Variants in MIEF2 observed in about 807,000 individuals in gnomAD.
MIEF2 encodes the protein mitochondrial dynamics protein MID49.
In MIEF2, 1 loss-of-function variant was observed where a neutral mutation model predicts 7.4. The ratio of observed to expected loss-of-function variants is 0.14; its 90% CI spans 0.05 to 0.64. MIEF2 has a LOEUF of 0.64. Among genes scored for constraint, MIEF2 ranks in the 30% least tolerant of loss-of-function variants. The pLI is 0.85. For synonymous variants in MIEF2, 275 were observed against 290.5 expected, an observed-to-expected ratio of 0.95 and a Z score of 0.54; for missense variants, 569 against 623.9, an observed-to-expected ratio of 0.91 and a Z score of 0.94.
intron 3 of MIEF2, 84 bp from the exon 4 acceptor site, chr17:18,263,626 G>A: frequency 6.9e-7 from 1 of 1,450,598 alleles, no homozygotes; most frequent in Non-Finnish European, 9.0e-7. Flanking sequence ...GAGGCCCTGG[G>A]ACATCACACA....
At position 18,264,470 on chromosome 17, in the gene MIEF2, G is replaced by A; in HGVS notation, c.1071G>A (p.Leu357=). The change falls in exon 4 of 4, where the codon CTG becomes CTA. Residue 357 remains leucine (L), a synonymous_variant. Transcript: ENST00000323019. The stretch of plus-strand genomic sequence containing the variant: ...ACGCTGGGACTCGCCGGCGGCTGCT[G>A]CTGCTGCTGTGTGCTGTCTGCCGTG... ...DHDAGTRRRL[L]LLLCAVCRGC... 1 of 1,604,652 alleles carries A rather than the reference G, an allele frequency of 6.2e-7. No individual in the cohort carries two copies. The highest frequency in any genetic ancestry group is 8.5e-7 in the Non-Finnish European group (1 of 1,179,854).
intron 2 of MIEF2, 46 bp downstream of exon 2, chr17:18,262,913 C>G (rs200207965): frequency 1.3e-6 from 2 of 1,524,528 alleles, no homozygotes; most frequent in Non-Finnish European, 8.8e-7. Flanking sequence ...TAGAGGAGGA[C>G]AACAGGGTTG....
At chr17:18,262,655 C>T (rs1185121235) in intron 1 of MIEF2, 59 bp from the exon 2 acceptor site, 5 of 1,483,986 alleles carry the variant, frequency 3.4e-6, no homozygotes, top group African/African-American at 1.4e-5. Context: ...CACAGCAGCC[C>T]CTCTCCCAGC....
rs773719283 is a variant in MIEF2, at chr17:18,263,362, G to A, written c.310+114G>A. On this transcript the variant is annotated intron_variant, in intron 3 of 3. Transcript: ENST00000323019. ...GTCCCTGCTTCTCTCTCGGTTGTGG[G>A]CTCCTCAGATATTTAATGGGGGTGG... 32 of 1,404,834 alleles carry A rather than the reference G, an allele frequency of 2.3e-5. 1 individual carries two copies. Among genetic ancestry groups the A allele is most frequent in the Non-Finnish European group, 3.0e-5 (30 of 993,448 alleles). 87.0% of individuals were successfully genotyped at this position (1,404,834 alleles called of 1,614,324 possible).
chr17:18,261,354 G>A (rs905087295), intron 1 of MIEF2, among the ~76,000 whole-genome samples: 18 of 152,168 alleles, frequency 1.2e-4, no homozygotes, highest in African/African-American at 3.9e-4. Flanking sequence ...ATGGGCGGGT[G>A]TACGGGGCTG....
rs578250639 is a variant in MIEF2, at chr17:18,263,497, G to C, written c.311-213G>C. 1.6e-3 allele frequency: 1,351 copies of C among 833,960 alleles called. 3 individuals are homozygous for C. The highest frequency in any genetic ancestry group is 2.4e-3 in the Non-Finnish European group (1,230 of 517,758). 51.7% of individuals were successfully genotyped at this position (833,960 alleles called of 1,614,324 possible). Reference sequence around the variant, plus strand: ...CGTGACATACCTACCTACTCTGCATGAAGCTGTTGTCGCCAGGGTGTTGGA... The same window carrying C: ...CGTGACATACCTACCTACTCTGCATCAAGCTGTTGTCGCCAGGGTGTTGGA... On this transcript the variant is annotated intron_variant, in intron 3 of 3. Coordinates refer to ENST00000323019, the MANE Select transcript of MIEF2 (RefSeq NM_139162.4).
rs973156259 is a variant in MIEF2, at chr17:18,265,675, C to T, written c.*911C>T. On this transcript the variant is annotated 3_prime_UTR_variant, in exon 4 of 4. Coordinates refer to ENST00000323019, the MANE Select transcript of MIEF2 (RefSeq NM_139162.4). Reference sequence around the variant, plus strand: ...CTAGAGGAGGGAGATTCCACCTCCCCTCCCAAGTGACCCTCCTCCTGCCTC... The same window carrying T: ...CTAGAGGAGGGAGATTCCACCTCCCTTCCCAAGTGACCCTCCTCCTGCCTC... 2 of 146,914 alleles carry T rather than the reference C, an allele frequency of 1.4e-5. No homozygotes were observed. Among genetic ancestry groups the T allele is most frequent in the East Asian group, 4.1e-4 (2 of 4,854 alleles). 9.1% of individuals were successfully genotyped at this position (146,914 alleles called of 1,614,324 possible). A position where few individuals can be genotyped will look rare whatever the true frequency, so the allele number is the denominator to read the frequency against.
chr17:18,265,531 C>CT lies in MIEF2; in HGVS notation c.*768dup, dbSNP rs1452227095. 1 of 151,662 alleles carries CT rather than the reference C, an allele frequency of 6.6e-6. No individual in the cohort carries two copies. Among genetic ancestry groups the CT allele is most frequent in the Non-Finnish European group, 1.5e-5 (1 of 67,702 alleles). 9.4% of individuals were successfully genotyped at this position (151,662 alleles called of 1,614,324 possible). Reference sequence around the variant, plus strand: ...CAGGCCCCACTGGAGAGCAGAGGACCTGATCCCCCACTAGAGAGGTCCGGT... The same window carrying CT: ...CAGGCCCCACTGGAGAGCAGAGGACCTTGATCCCCCACTAGAGAGGTCCGGT... On this transcript the variant is annotated 3_prime_UTR_variant, in exon 4 of 4. Transcript: ENST00000323019.
chr17:18,263,943 C>T lies in MIEF2; in HGVS notation c.544C>T (p.Leu182Phe), dbSNP rs1307622238. ...PFGAFVPGGP[L>F]YDGLQAGAAD... is the part of the protein sequence containing the mutation. ...TGGGGCATTCGTGCCTGGGGGGCCG[C>T]TCTACGACGGGCTGCAGGCGGGGGC... Residue 182 changes from leucine (L) to phenylalanine (F), a missense_variant, in exon 4 of 4, where the codon CTC (leucine) becomes TTC (phenylalanine). Leu to Phe is a conservative substitution (Grantham distance 22). Coordinates refer to ENST00000323019, the MANE Select transcript of MIEF2 (RefSeq NM_139162.4). The T allele has an allele frequency of 3.8e-6, 6 of 1,592,424 alleles. No homozygotes were observed. The highest frequency in any genetic ancestry group is 5.1e-6 in the Non-Finnish European group (6 of 1,173,218).
chr17:18,265,146 T>A lies in MIEF2; in HGVS notation c.*382T>A. ...CTGAAGGCCAGCTTCACATTTCTGC[T>A]GAGAGAAGGTGACTTAACGCCTTTT... On this transcript the variant is annotated 3_prime_UTR_variant, in exon 4 of 4. Transcript: ENST00000323019. The A allele has an allele frequency of 5.5e-6, 1 of 182,600 alleles. No individual in the cohort carries two copies. The highest frequency in any genetic ancestry group is 1.2e-5 in the Non-Finnish European group (1 of 86,082). 11.3% of individuals were successfully genotyped at this position (182,600 alleles called of 1,614,324 possible). A position where few individuals can be genotyped will look rare whatever the true frequency, so the allele number is the denominator to read the frequency against.
chr17:18,263,965 G>T lies in MIEF2; in HGVS notation c.566G>T (p.Gly189Val). ...GGPLYDGLQA[G>V]AADHVRLLVP... ...CCGCTCTACGACGGGCTGCAGGCGG[G>T]GGCTGCGGACCATGTGCGTCTCCTG... The change falls in exon 4 of 4, where the codon GGG becomes GTG. Residue 189 changes from glycine to valine, a missense_variant. Physicochemically the swap from Gly to Val is moderately radical, Grantham distance 109 (BLOSUM62 -3). Coordinates refer to ENST00000323019, the MANE Select transcript of MIEF2 (RefSeq NM_139162.4). 3 of 1,582,688 alleles carry T rather than the reference G, an allele frequency of 1.9e-6. No homozygotes were observed. Among genetic ancestry groups the T allele is most frequent in the Middle Eastern group, 1.7e-4 (1 of 5,974 alleles).
At position 18,265,120 on chromosome 17, in the gene MIEF2, G is replaced by A; in HGVS notation, c.*356G>A. 1 of 203,106 alleles carries A rather than the reference G, an allele frequency of 4.9e-6. No individual in the cohort carries two copies. The highest frequency in any genetic ancestry group is 1.0e-5 in the Non-Finnish European group (1 of 99,316). 12.6% of individuals were successfully genotyped at this position (203,106 alleles called of 1,614,324 possible). ...GTGGTTTCTGCCATCCTGGGCAGAA[G>A]CTGAAGGCCAGCTTCACATTTCTGC... On this transcript the variant is annotated 3_prime_UTR_variant, in exon 4 of 4. Coordinates refer to ENST00000323019, the MANE Select transcript of MIEF2 (RefSeq NM_139162.4).
intron 1 of MIEF2, 44 bp downstream of exon 1, chr17:18,260,781 T>A (rs538123610): frequency 1.5e-4 from 45 of 302,144 alleles, no homozygotes; most frequent in Middle Eastern, 1.0e-3. Flanking sequence ...GTCACCGGGC[T>A]CGGGGCTTGG....
chr17:18,261,003 G>T, intron 1 of MIEF2: 1 of 1,141,976 alleles, frequency 8.8e-7, no homozygotes, highest in South Asian at 1.4e-5. Context: ...AGGCAGGTTT[G>T]GCGGAGGAGG....
chr17:18,264,426 C>A lies in MIEF2; in HGVS notation c.1027C>A (p.Arg343=), dbSNP rs1300126375. 6.2e-7 allele frequency: 1 copy of A among 1,600,880 alleles called. No homozygotes were observed. Among genetic ancestry groups the A allele is most frequent in the African/African-American group, 1.3e-5 (1 of 74,902 alleles). The part of the protein sequence containing the change: ...DLYPVEAARL[R]ALDDHDAGTR... ...GTATCCAGTGGAGGCTGCTAGGCTG[C>A]GAGCCCTGGACGACCATGACGCTGG... Residue 343 remains arginine (R), a synonymous_variant, in exon 4 of 4, where the codon CGA becomes AGA. Coordinates refer to ENST00000323019, the MANE Select transcript of MIEF2 (RefSeq NM_139162.4).
At chr17:18,262,637 C>T (rs1159511273) in intron 1 of MIEF2, 77 bp from the exon 2 acceptor site, 18 of 1,332,116 alleles carry the variant, frequency 1.4e-5, no homozygotes, top group Non-Finnish European at 1.8e-5. Context: ...ACAGCTAGAG[C>T]ACCTGTCCAC....
At position 18,263,264 on chromosome 17, in the gene MIEF2, T is replaced by C. The variant is rs1367618760; in HGVS notation, c.310+16T>C. 2 of 1,613,686 alleles carry C rather than the reference T, an allele frequency of 1.2e-6. No individual in the cohort carries two copies. Among genetic ancestry groups the C allele is most frequent in the East Asian group, 4.5e-5 (2 of 44,876 alleles). On this transcript the variant is annotated intron_variant, in intron 3 of 3. Transcript: ENST00000323019. ...TCTGCCCCAGGTGAGTGGCACTCCT[T>C]CCCCTCTTTTGGTGTCACATTCAAG...
rs1212491782 is a variant in MIEF2, at chr17:18,264,511, G to C, written c.1112G>C (p.Gly371Ala). 1 of 1,608,872 alleles carries C rather than the reference G, an allele frequency of 6.2e-7. No homozygotes were observed. The highest frequency in any genetic ancestry group is 1.7e-5 in the Admixed American group (1 of 60,024). Residue 371 changes from glycine (G) to alanine (A), a missense_variant, in exon 4 of 4, where the codon GGG becomes GCG. Gly to Ala is a moderately conservative substitution (Grantham distance 60). Transcript: ENST00000323019. ...CAVCRGCSALGQLGRGHLTQV... is the reference protein window; with the variant it reads ...CAVCRGCSALAQLGRGHLTQV... Reference sequence around the variant, plus strand: ...GTCTGCCGTGGTTGCTCGGCTCTGGGGCAGCTAGGCCGGGGTCACCTGACC... The same window carrying C: ...GTCTGCCGTGGTTGCTCGGCTCTGGCGCAGCTAGGCCGGGGTCACCTGACC...
rs1205717856 is a variant in MIEF2, at chr17:18,264,235, T to C, written c.836T>C (p.Ile279Thr). ...PAIGSLLGCL[I>T]RPSMASEELL... is the part of the protein sequence containing the mutation. ...ATTGGCAGCCTTCTCGGGTGCCTGATCCGGCCCAGCATGGCCTCGGAGGAG... is the reference window on the plus strand; with the variant it reads ...ATTGGCAGCCTTCTCGGGTGCCTGACCCGGCCCAGCATGGCCTCGGAGGAG... The change falls in exon 4 of 4, where the codon ATC (isoleucine) becomes ACC (threonine). Residue 279 changes from isoleucine to threonine, a missense_variant. Coordinates refer to ENST00000323019, the MANE Select transcript of MIEF2 (RefSeq NM_139162.4). 1 of 1,603,850 alleles carries C rather than the reference T, an allele frequency of 6.2e-7. No individual in the cohort carries two copies. Among genetic ancestry groups the C allele is most frequent in the Non-Finnish European group, 8.5e-7 (1 of 1,179,674 alleles).
Sources: gnomAD v4.1 joint callset for allele counts (sites outside exome capture counted in the v4.1 genomes callset) on GRCh38, gnomAD v4.1.1 for gene constraint, MANE v1.5 for transcripts, NCBI Gene and HGNC (gene_info 2026-07-23, HGNC 2026-07-21) for gene names.